Variants in GUCY1B1 observed in about 807,000 individuals in gnomAD.
The protein encoded by GUCY1B1 is guanylate cyclase soluble subunit beta-1.
A neutral mutation model predicts 71.0 loss-of-function variants in GUCY1B1; 43 were observed. The ratio of observed to expected loss-of-function variants is 0.61; its 90% CI spans 0.47 to 0.78. GUCY1B1 has a LOEUF of 0.78. GUCY1B1 is among the 30% of genes least tolerant of loss of function. The pLI, the probability that GUCY1B1 is intolerant of heterozygous loss-of-function variation, is 0.00. For missense variants in GUCY1B1, 535 were observed against 754.1 expected, an observed-to-expected ratio of 0.71 and a Z score of 3.40; for synonymous variants, 266 against 259.7, an observed-to-expected ratio of 1.02 and a Z score of -0.23.
At chr4:155,799,792 G>A in intron 8 of GUCY1B1, 85 bp from the exon 9 acceptor site, 1 of 692,740 alleles carries the variant, frequency 1.4e-6, no homozygotes, top group Non-Finnish European at 2.5e-6. Flanking sequence ...GGAGGTGGCA[G>A]GATCAGATTC....
Position 155,759,858 on chromosome 4 carries a change from CAAGT to C in GUCY1B1, c.77+3_77+6del, listed in dbSNP as rs1736846433. ...ACGGCCCCGAGGTGTGGGAAGACAT[CAAGT>C]AAGTGGCCGGCTACCCTGGCTGTGG... On this transcript the variant is annotated splice_donor_variant and coding_sequence_variant, in exon 2 of 14. Coordinates refer to ENST00000264424, the MANE Select transcript of GUCY1B1 (RefSeq NM_000857.5). LOFTEE classifies it high-confidence loss of function. 1 of 1,609,934 alleles carries C rather than the reference CAAGT, an allele frequency of 6.2e-7. No individual in the cohort carries two copies. The highest frequency in any genetic ancestry group is 8.5e-7 in the Non-Finnish European group (1 of 1,177,104).
chr4:155,775,553 G>A (rs1057098347), intron 3 of GUCY1B1, among the ~76,000 whole-genome samples: 4 of 152,076 alleles, frequency 2.6e-5, no homozygotes, highest in East Asian at 1.9e-4. Context: ...CTCAGCCTCC[G>A]AAAGTGCTGT....
chr4:155,760,267 C>A (rs1736902889), intron 2 of GUCY1B1, among the ~76,000 whole-genome samples: 1 of 152,188 alleles, frequency 6.6e-6, no homozygotes, highest in Non-Finnish European at 1.5e-5. Context: ...GACTTTGGCT[C>A]CTTTATGATT....
chr4:155,765,086 TG>T (rs1284599444), intron 2 of GUCY1B1, among the ~76,000 whole-genome samples: 1 of 152,202 alleles, frequency 6.6e-6, no homozygotes, highest in Admixed American at 6.5e-5. Context: ...GAAGGATCTT[TG>T]CACATTACGG....
chr4:155,803,634 T>C lies in GUCY1B1; in HGVS notation c.1424T>C (p.Val475Ala), dbSNP rs377714673. The change falls in exon 11 of 14, where the codon GTT (valine) becomes GCT (alanine). Residue 475 changes from valine to alanine, a missense_variant. Transcript: ENST00000264424. ...KNPFVYKVET[V>A]GDKYMTVSGL... is the part of the protein sequence containing the mutation. Reference sequence around the variant, plus strand: ...TATATGTACTGTTAGGTGGAGACTGTTGGTGACAAGTATATGACAGTGAGT... The same window carrying C: ...TATATGTACTGTTAGGTGGAGACTGCTGGTGACAAGTATATGACAGTGAGT... 2.5e-6 allele frequency: 4 copies of C among 1,586,970 alleles called. No individual in the cohort carries two copies. The highest frequency in any genetic ancestry group is 1.8e-5 in the Admixed American group (1 of 55,790).
intron 4 of GUCY1B1, among the ~76,000 whole-genome samples, chr4:155,783,232 T>A (rs182188173): frequency 2.0e-5 from 3 of 152,296 alleles, no homozygotes; most frequent in African/African-American, 7.2e-5. Flanking sequence ...CCCCTGGGAA[T>A]AGGAGCCATG....
chr4:155,784,268 G>A (rs1579222565), intron 4 of GUCY1B1, among the ~76,000 whole-genome samples: 2 of 152,044 alleles, frequency 1.3e-5, no homozygotes, highest in Admixed American at 1.3e-4. Flanking sequence ...CAGTTGAAAA[G>A]CTATTTAATT....
intron 4 of GUCY1B1, among the ~76,000 whole-genome samples, chr4:155,778,048 G>A (rs1382422906): frequency 6.6e-6 from 1 of 152,110 alleles, no homozygotes; most frequent in East Asian, 1.9e-4. Context: ...ATCGAGCAAT[G>A]TATCAGTATT....
At chr4:155,794,681 T>C (rs1312526770) in intron 6 of GUCY1B1, among the ~76,000 whole-genome samples, 3 of 152,192 alleles carry the variant, frequency 2.0e-5, no homozygotes, top group South Asian at 4.1e-4. Flanking sequence ...CGTTTAGAGA[T>C]ACTTTTTGCT....
rs1740383860 is a variant in GUCY1B1 at position 155,807,348 on chromosome 4, A to G, written c.*939A>G. On this transcript the variant is annotated 3_prime_UTR_variant, in exon 14 of 14. Coordinates refer to ENST00000264424, the MANE Select transcript of GUCY1B1 (RefSeq NM_000857.5). The stretch of plus-strand genomic sequence containing the variant: ...AGAAGAATGTGATTATATCCAGGAC[A>G]TCATGTTCAGAAAACTTAGTTTACT... 6.6e-6 allele frequency: 1 copy of G among 152,192 alleles called. No individual in the cohort carries two copies. The highest frequency in any genetic ancestry group is 2.1e-4 in the South Asian group (1 of 4,832). The allele number at this position is 152,192 out of a possible 1,614,324, so 9.4% of individuals were successfully genotyped here. A position where few individuals can be genotyped will look rare whatever the true frequency, so the allele number is the denominator to read the frequency against.
chr4:155,775,631 A>G (rs1213002878), intron 3 of GUCY1B1, among the ~76,000 whole-genome samples: 2 of 152,292 alleles, frequency 1.3e-5, no homozygotes, highest in East Asian at 1.9e-4. Context: ...CCATGTATTC[A>G]GGAAGGAAAG....
At chr4:155,803,535 G>A (rs972951892) in intron 10 of GUCY1B1, 89 bp from the exon 11 acceptor site, 3 of 894,510 alleles carry the variant, frequency 3.4e-6, no homozygotes, top group African/African-American at 1.7e-5. Context: ...GTTGCTGGTA[G>A]ACTTGAAAAA....
intron 4 of GUCY1B1, among the ~76,000 whole-genome samples, chr4:155,785,993 G>A (rs959754967): frequency 6.6e-6 from 1 of 152,034 alleles, no homozygotes; most frequent in African/African-American, 2.4e-5. Flanking sequence ...AGGGTGCAGT[G>A]CCTATCTTTA....
chr4:155,777,040 C>A (rs767963674), intron 3 of GUCY1B1, among the ~76,000 whole-genome samples: 1 of 152,008 alleles, frequency 6.6e-6, no homozygotes, highest in Non-Finnish European at 1.5e-5. Flanking sequence ...GGATTCAAGT[C>A]GAAACATAAA....
chr4:155,800,332 A>C, intron 9 of GUCY1B1, among the ~76,000 whole-genome samples: 1 of 152,358 alleles, frequency 6.6e-6, no homozygotes, highest in African/African-American at 2.4e-5. Flanking sequence ...GAAAATCATG[A>C]GAATAACTCA....
intron 4 of GUCY1B1, among the ~76,000 whole-genome samples, chr4:155,787,097 A>G (rs1384380884): frequency 6.6e-6 from 1 of 152,108 alleles, no homozygotes; most frequent in East Asian, 1.9e-4. Context: ...AAGTAGAAGT[A>G]TAAGGGGTCT....
In GUCY1B1 at chr4:155,793,862, C is replaced by A. The variant is rs764841766; in HGVS notation, c.502C>A (p.Gln168Lys). Residue 168 changes from glutamine (Q) to lysine (K), a missense_variant, in exon 6 of 14, where the codon CAG becomes AAG. Gln to Lys is a moderately conservative substitution (Grantham distance 53, BLOSUM62 1). Coordinates refer to ENST00000264424, the MANE Select transcript of GUCY1B1 (RefSeq NM_000857.5). Reference sequence around the variant, plus strand: ...TTCCCCCTTTGATATCCAGGTTATTCAGCAAAGAAATGAAGAATGTGATCA... The same window carrying A: ...TTCCCCCTTTGATATCCAGGTTATTAAGCAAAGAAATGAAGAATGTGATCA... ...HGTEIDMKVI[Q>K]QRNEECDHTQ... 2.1e-6 allele frequency: 3 copies of A among 1,424,156 alleles called. No homozygotes were observed. The South Asian group carries it at 3.5e-5, about 16-fold the overall frequency. 88.2% of individuals were successfully genotyped at this position (1,424,156 alleles called of 1,614,324 possible).
At chr4:155,772,837 A>G (rs536615062) in intron 2 of GUCY1B1, 13 of 699,366 alleles carry the variant, frequency 1.9e-5, no homozygotes, top group African/African-American at 1.8e-4. Context: ...TGCTTTTAAA[A>G]AAAAAGTTAT....
rs115027596 is a variant in GUCY1B1 at position 155,802,819 on chromosome 4, A to G, written c.1413+240A>G. 6.6e-3 allele frequency among the ~76,000 whole-genome samples: 1,011 copies of G among 152,344 alleles called. 6 individuals are homozygous for G. Among genetic ancestry groups the G allele is most frequent in the Non-Finnish European group, 9.0e-3 (614 of 68,026 alleles). ...TGGGTGATTCCCTGGTTAAAATGAA[A>G]TGTTCACCATCTTATTTGCACTTAG... On this transcript the variant is annotated intron_variant, in intron 10 of 13. Transcript: ENST00000264424. The surrounding 1 kb of genome is among the most constrained non-coding windows in gnomAD (Gnocchi z 4.3).
Sources: allele counts gnomAD v4.1 joint callset (sites outside exome capture counted in the v4.1 genomes callset), GRCh38; gene constraint gnomAD v4.1.1; non-coding constraint Gnocchi (gnomAD v3.1); transcripts MANE v1.5; gene names NCBI Gene and HGNC (gene_info 2026-07-23, HGNC 2026-07-21).